USP15: variants seen among roughly 807,000 people sequenced by gnomAD.
The protein encoded by USP15 is ubiquitin specific peptidase 15.
Under a neutral mutation model 127.1 loss-of-function variants are expected in USP15, and 18 were observed. The observed-to-expected ratio is 0.14, with a 90% CI of 0.10 to 0.21. USP15 has a LOEUF of 0.21. Among genes scored for constraint, USP15 ranks in the 10% least tolerant of loss-of-function variants. The pLI is 1.00. For synonymous variants in USP15, 364 were observed against 393.7 expected, an observed-to-expected ratio of 0.92 and a Z score of 0.89; for missense variants, 805 against 1,159.9, an observed-to-expected ratio of 0.69 and a Z score of 4.44.
Position 62,393,212 on chromosome 12 carries a change from A to C in USP15, c.2570+10A>C. 1 of 1,610,332 alleles carries C rather than the reference A, an allele frequency of 6.2e-7. No homozygotes were observed. Among genetic ancestry groups the C allele is most frequent in the Non-Finnish European group, 8.5e-7 (1 of 1,177,992 alleles). ...TTGATTTTCCTATCAAGTAAGCTTT[A>C]ATTGTACTTTATAAGCATTGGGCAA... On this transcript the variant is annotated intron_variant, in intron 19 of 21. Coordinates refer to ENST00000280377, the MANE Select transcript of USP15 (RefSeq NM_001252078.2).
chr12:62,310,477 A>G (rs1340240314), intron 3 of USP15, among the ~76,000 whole-genome samples: 1 of 151,870 alleles, frequency 6.6e-6, no homozygotes, highest in Non-Finnish European at 1.5e-5. Flanking sequence ...GTAAGAACAG[A>G]TGATATTTGT....
In USP15 at chr12:62,391,153, T is replaced by A. The variant is rs1565910095; in HGVS notation, c.1961-4T>A. The A allele has an allele frequency of 1.2e-6, 2 of 1,604,274 alleles. No homozygotes were observed. The highest frequency in any genetic ancestry group is 1.7e-6 in the Non-Finnish European group (2 of 1,177,710). ...ATTTAAAGCTCTCTAATATCTAAAATTAGGTGAAATGGAAACAGATGAGCC... is the reference window on the plus strand; with the variant it reads ...ATTTAAAGCTCTCTAATATCTAAAAATAGGTGAAATGGAAACAGATGAGCC... On this transcript the variant is annotated splice_region_variant and splice_polypyrimidine_tract_variant and intron_variant, in intron 15 of 21. Transcript: ENST00000280377.
intron 4 of USP15, among the ~76,000 whole-genome samples, chr12:62,317,985 GTATTAA>G (rs1027866875): frequency 2.6e-5 from 4 of 152,248 alleles, no homozygotes; most frequent in African/African-American, 9.6e-5. Flanking sequence ...TCTATGACCT[GTATTAA>G]TATTTTTTAA....
intron 8 of USP15, among the ~76,000 whole-genome samples, chr12:62,375,529 G>A (rs1271952641): frequency 6.6e-6 from 1 of 152,110 alleles, no homozygotes; most frequent in Non-Finnish European, 1.5e-5. Flanking sequence ...CTGCTCTCAA[G>A]TGCGGTGTAA....
intron 1 of USP15, among the ~76,000 whole-genome samples, chr12:62,283,748 GCC>G (rs2063716542): frequency 6.6e-6 from 1 of 152,134 alleles, no homozygotes; most frequent in Non-Finnish European, 1.5e-5. Context: ...TTTGAGACCA[GCC>G]TGGCTAAGAT....
intron 18 of USP15, 44 bp from the exon 19 acceptor site, chr12:62,393,009 G>T: frequency 6.3e-6 from 10 of 1,593,648 alleles, no homozygotes; most frequent in Non-Finnish European, 8.5e-6. Context: ...AATGGGGGTT[G>T]TTTGTACCTC....
chr12:62,381,873 G>A (rs945094278), intron 9 of USP15, among the ~76,000 whole-genome samples: 4 of 151,672 alleles, frequency 2.6e-5, no homozygotes, highest in African/African-American at 9.7e-5. Context: ...TTTTGTTTTT[G>A]TTTTTGTTTT....
In USP15 at chr12:62,393,128, A is replaced by G. The variant is rs144622456; in HGVS notation, c.2496A>G (p.Val832=). The G allele has an allele frequency of 4.8e-4, 769 of 1,613,910 alleles. 7 individuals carry two copies. The African/African-American group carries it at 7.4e-3, about 15-fold the overall frequency. The change falls in exon 19 of 22, where the codon GTA becomes GTG. Residue 832 remains valine (V), a synonymous_variant. Coordinates refer to ENST00000280377, the MANE Select transcript of USP15 (RefSeq NM_001252078.2). ...TATGGTCCCTGCCTCCAGTACTTGT[A>G]GTACATCTCAAGCGATTTTCTTACA... The part of the protein sequence containing the change: ...LDLWSLPPVL[V]VHLKRFSYSR...
intron 1 of USP15, among the ~76,000 whole-genome samples, chr12:62,274,839 C>CGTGAT (rs939675284): frequency 6.6e-6 from 1 of 152,026 alleles, no homozygotes; most frequent in African/African-American, 2.4e-5. Context: ...GAGATGATCA[C>CGTGAT]GTTTGTGGTT....
At chr12:62,305,872 T>C (rs990840251) in intron 3 of USP15, 4 of 152,098 alleles carry the variant, frequency 2.6e-5, no homozygotes, top group African/African-American at 9.7e-5. Context: ...CGAGATTAGG[T>C]TATAAAAAAA....
Position 62,401,283 on chromosome 12 carries a change from T to C in USP15, c.2763+8T>C. ...TCTGAAGACCAAATTGTGGTAAGTT[T>C]GTCTTATATTTCCTGAGAACTATGG... On this transcript the variant is annotated splice_region_variant and intron_variant, in intron 21 of 21. Transcript: ENST00000280377. 6.2e-7 allele frequency: 1 copy of C among 1,601,174 alleles called. No individual in the cohort carries two copies. Among genetic ancestry groups the C allele is most frequent in the South Asian group, 1.1e-5 (1 of 90,634 alleles).
chr12:62,286,199 G>A (rs950376035), intron 1 of USP15, among the ~76,000 whole-genome samples: 23 of 151,642 alleles, frequency 1.5e-4, no homozygotes, highest in African/African-American at 5.3e-4. Context: ...GAAAAAAAAC[G>A]CCCATTAAAA....
At chr12:62,322,572 A>G (rs1475575406) in intron 5 of USP15, among the ~76,000 whole-genome samples, 2 of 152,064 alleles carry the variant, frequency 1.3e-5, no homozygotes, top group Admixed American at 1.3e-4. Flanking sequence ...TAGTCTCTTT[A>G]CAAATTCCTG....
At chr12:62,380,108 G>A (rs1592701947) in intron 8 of USP15, among the ~76,000 whole-genome samples, 1 of 151,892 alleles carries the variant, frequency 6.6e-6, no homozygotes, top group Admixed American at 6.6e-5. Context: ...CATTTTAGCT[G>A]TTTTTATTAT....
Position 62,314,878 on chromosome 12 carries a change from A to G in USP15, c.437A>G (p.Asn146Ser), listed in dbSNP as rs1565846225. The change falls in exon 4 of 22, where the codon AAT (asparagine) becomes AGT (serine). Residue 146 changes from asparagine (N) to serine (S), a missense_variant. By Grantham distance (46) the Asn-to-Ser change is conservative (BLOSUM62 1). This residue lies in a region of USP15 where 57 missense variants were observed against 47.3 expected (regional missense o/e 1.20). Coordinates refer to ENST00000280377, the MANE Select transcript of USP15 (RefSeq NM_001252078.2). ...LKLCENGNMN[N>S]VVTRRFSKAD... ...CTATGTGAAAATGGAAACATGAATA[A>G]TGTTGTAACTCGAAGATTTAGCAAA... The G allele has an allele frequency of 6.3e-7, 1 of 1,597,426 alleles. No individual in the cohort carries two copies. The highest frequency in any genetic ancestry group is 8.5e-7 in the Non-Finnish European group (1 of 1,171,934).
chr12:62,356,334 G>A (rs1008440585), intron 8 of USP15, among the ~76,000 whole-genome samples: 1 of 151,542 alleles, frequency 6.6e-6, no homozygotes, highest in Non-Finnish European at 1.5e-5. Flanking sequence ...TTAAATGCAG[G>A]GTATAGATTG....
At chr12:62,283,726 TGAGGCCAG>T (rs1484785986) in intron 1 of USP15, among the ~76,000 whole-genome samples, 6 of 152,154 alleles carry the variant, frequency 3.9e-5, no homozygotes, top group Admixed American at 2.0e-4. Flanking sequence ...GCGGATCACT[TGAGGCCAG>T]GAGTTTGAGA....
At position 62,314,911 on chromosome 12, in the gene USP15, C is replaced by A; in HGVS notation, c.470C>A (p.Thr157Lys). 1.3e-6 allele frequency: 2 copies of A among 1,574,716 alleles called. No individual in the cohort carries two copies. The highest frequency in any genetic ancestry group is 2.3e-5 in the East Asian group (1 of 42,640). The stretch of plus-strand genomic sequence containing the variant: ...ACTCGAAGATTTAGCAAAGCTGACA[C>A]AATAGGTAATGCAAGATCCTGTCTT... ...VVTRRFSKAD[T>K]IDTIEKEIRK... Residue 157 changes from threonine (T) to lysine (K), a missense_variant, in exon 4 of 22, where the codon ACA (threonine) becomes AAA (lysine). This residue lies in a region of USP15 where 57 missense variants were observed against 47.3 expected (regional missense o/e 1.20). Coordinates refer to ENST00000280377, the MANE Select transcript of USP15 (RefSeq NM_001252078.2).
At chr12:62,400,588 T>TA (rs1276276504) in intron 20 of USP15, among the ~76,000 whole-genome samples, 1 of 145,984 alleles carries the variant, frequency 6.9e-6, no homozygotes, top group Non-Finnish European at 1.5e-5. Context: ...ACACTTTTGT[T>TA]AAAGACTAAA....
Sources: allele counts gnomAD v4.1 joint callset (sites outside exome capture counted in the v4.1 genomes callset), GRCh38; gene constraint gnomAD v4.1.1; regional missense constraint gnomAD v4.1.1; transcripts MANE v1.5; gene names NCBI Gene and HGNC (gene_info 2026-07-23, HGNC 2026-07-21).